Variants in BRIP1 observed in about 807,000 individuals in gnomAD.
BRIP1 encodes the protein BRCA1 interacting DNA helicase 1, also known as Fanconi anemia group J protein.
Under a neutral mutation model 119.7 loss-of-function variants are expected in BRIP1, and 88 were observed. The ratio of observed to expected loss-of-function variants is 0.74; its 90% CI spans 0.62 to 0.88. BRIP1 has a LOEUF of 0.88. Among genes scored for constraint, BRIP1 ranks in the 40% least tolerant of loss-of-function variants. The probability of loss-of-function intolerance (pLI) is 0.00; values close to 1 mark genes in which losing one functional copy is unlikely to be tolerated. For synonymous variants in BRIP1, 443 were observed against 496.5 expected (o/e 0.89, Z 1.43); for missense variants, 1,259 against 1,455.4 (o/e 0.87, Z 2.20).
rs2078893701 is a variant in BRIP1, at chr17:61,856,179, T to G, written c.379+879A>C. Among the ~76,000 whole-genome samples the G allele has an allele frequency of 6.6e-6, 1 of 152,166 alleles. No individual in the cohort carries two copies. The highest frequency in any genetic ancestry group is 1.5e-5 in the Non-Finnish European group (1 of 68,006). On this transcript the variant is annotated intron_variant, in intron 4 of 19. Coordinates refer to ENST00000259008, the MANE Select transcript of BRIP1 (RefSeq NM_032043.3). This position sits in a 1 kb window ranked among gnomAD's most constrained non-coding sequence, Gnocchi z 5.1. ...TATTGGTCACCTATTTAATAACTGT[T>G]CCACTTCTCTTTCCTCATTCCTACC...
chr17:61,713,553 G>A lies in BRIP1; in HGVS notation c.2492+2398C>T, dbSNP rs571029848. Among the ~76,000 whole-genome samples, 9 of 149,242 alleles carry A rather than the reference G, an allele frequency of 6.0e-5. 1 individual carries two copies. Among genetic ancestry groups the A allele is most frequent in the African/African-American group, 2.2e-4 (9 of 40,394 alleles). On this transcript the variant is annotated intron_variant, in intron 17 of 19. Transcript: ENST00000259008. This position sits in a 1 kb window ranked among gnomAD's most constrained non-coding sequence, Gnocchi z 4.9. Reference sequence around the variant, plus strand: ...TTTTTTTTTTTTGAGATGGAGTCTCGCTCTGTCGCCCAGGCTGGAGTGCAG... The same window carrying A: ...TTTTTTTTTTTTGAGATGGAGTCTCACTCTGTCGCCCAGGCTGGAGTGCAG...
Position 61,756,648 on chromosome 17 carries a change from G to A in BRIP1, c.2098-12057C>T, listed in dbSNP as rs1331054145. On this transcript the variant is annotated intron_variant, in intron 14 of 19. Transcript: ENST00000259008. The surrounding 1 kb of genome is among the most constrained non-coding windows in gnomAD (Gnocchi z 4.3). ...TTTAAAACTAGTATTTCGCTAGGGA[G>A]GGAATAAGTTAGAATGCAACCTAGT... 6.6e-6 allele frequency among the ~76,000 whole-genome samples: 1 copy of A among 152,112 alleles called. No individual in the cohort carries two copies. Among genetic ancestry groups the A allele is most frequent in the Non-Finnish European group, 1.5e-5 (1 of 68,014 alleles).
Position 61,770,399 on chromosome 17 carries a change from GAATT to G in BRIP1, c.2097+5998_2097+6001del, listed in dbSNP as rs1567803004. ...GGAGAGTAACTCAAGTCCACATTAA[GAATT>G]AATTAAAGAGCACTGGTCAAGATAA... On this transcript the variant is annotated intron_variant, in intron 14 of 19. Coordinates refer to ENST00000259008, the MANE Select transcript of BRIP1 (RefSeq NM_032043.3). The surrounding 1 kb of genome is among the most constrained non-coding windows in gnomAD (Gnocchi z 4.7). Among the ~76,000 whole-genome samples the G allele has an allele frequency of 6.6e-6, 1 of 152,034 alleles. No individual in the cohort carries two copies. The highest frequency in any genetic ancestry group is 1.5e-5 in the Non-Finnish European group (1 of 67,998).
chr17:61,852,112 G>T lies in BRIP1; in HGVS notation c.380-2856C>A, dbSNP rs1310692917. On this transcript the variant is annotated intron_variant, in intron 4 of 19. Transcript: ENST00000259008. The surrounding 1 kb of genome is among the most constrained non-coding windows in gnomAD (Gnocchi z 4.9). ...AAACTGACATGGGCCTATTAAGAGGGTAGGGAATGTCCACCCAAAATGATC... is the reference window on the plus strand; with the variant it reads ...AAACTGACATGGGCCTATTAAGAGGTTAGGGAATGTCCACCCAAAATGATC... 6.6e-6 allele frequency among the ~76,000 whole-genome samples: 1 copy of T among 152,170 alleles called. No individual in the cohort carries two copies. The highest frequency in any genetic ancestry group is 1.5e-5 in the Non-Finnish European group (1 of 68,034).
rs1028792175 is a variant in BRIP1 at position 61,684,541 on chromosome 17, G to T, written c.2906-401C>A. 6.6e-6 allele frequency among the ~76,000 whole-genome samples: 1 copy of T among 152,060 alleles called. No homozygotes were observed. The highest frequency in any genetic ancestry group is 6.5e-5 in the Admixed American group (1 of 15,270). ...CTAATTCTTTTATTTAATAAATAAG[G>T]AAAGTGACATAAGGCTAAGTTATTT... On this transcript the variant is annotated intron_variant, in intron 19 of 19. Coordinates refer to ENST00000259008, the MANE Select transcript of BRIP1 (RefSeq NM_032043.3). This position sits in a 1 kb window ranked among gnomAD's most constrained non-coding sequence, Gnocchi z 4.5.
At chr17:61,854,504 A>ACAGAGC (rs2078866441) in intron 4 of BRIP1, among the ~76,000 whole-genome samples, 1 of 151,996 alleles carries the variant, frequency 6.6e-6, no homozygotes, top group Non-Finnish European at 1.5e-5. Flanking sequence ...GTCAGGAGCT[A>ACAGAGC]CAGAGCAGCC....
In BRIP1 at chr17:61,681,247, G is replaced by A. The variant is rs2061266029; in HGVS notation, c.*2049C>T. 1 of 197,916 alleles carries A rather than the reference G, an allele frequency of 5.1e-6. No individual in the cohort carries two copies. The highest frequency in any genetic ancestry group is 1.0e-5 in the Non-Finnish European group (1 of 95,846). The allele number at this position is 197,916 out of a possible 1,614,324, so 12.3% of individuals were successfully genotyped here. Reference sequence around the variant, plus strand: ...ACCACGTCACCATCGTTCCCTAAATGTAAATGAGTAAGAGCCACTTTACTT... The same window carrying A: ...ACCACGTCACCATCGTTCCCTAAATATAAATGAGTAAGAGCCACTTTACTT... On this transcript the variant is annotated 3_prime_UTR_variant, in exon 20 of 20. Transcript: ENST00000259008. The surrounding 1 kb of genome is among the most constrained non-coding windows in gnomAD (Gnocchi z 5.1).
At position 61,805,085 on chromosome 17, in the gene BRIP1, C is replaced by A. The variant is rs1459487315; in HGVS notation, c.918+3382G>T. Among the ~76,000 whole-genome samples the A allele has an allele frequency of 6.6e-6, 1 of 151,246 alleles. No homozygotes were observed. The highest frequency in any genetic ancestry group is 1.5e-5 in the Non-Finnish European group (1 of 67,874). On this transcript the variant is annotated intron_variant, in intron 7 of 19. Coordinates refer to ENST00000259008, the MANE Select transcript of BRIP1 (RefSeq NM_032043.3). The surrounding 1 kb of genome is among the most constrained non-coding windows in gnomAD (Gnocchi z 5.6). ...ACACATATATATGCATATATATAATCTTTACATGTATTTTTATCTATGAAT... is the reference window on the plus strand; with the variant it reads ...ACACATATATATGCATATATATAATATTTACATGTATTTTTATCTATGAAT...
intron 6 of BRIP1, among the ~76,000 whole-genome samples, chr17:61,839,412 T>C (rs1266317764): frequency 5.3e-5 from 8 of 152,068 alleles, no homozygotes; most frequent in East Asian, 1.9e-4. Flanking sequence ...TTTTTTCCCA[T>C]AACCTTTCAG....
In BRIP1 at chr17:61,691,320, A is replaced by G. The variant is rs1315237153; in HGVS notation, c.2575+2110T>C. Among the ~76,000 whole-genome samples the G allele has an allele frequency of 5.3e-5, 8 of 152,186 alleles. No individual in the cohort carries two copies. The highest frequency in any genetic ancestry group is 1.2e-4 in the Non-Finnish European group (8 of 68,036). On this transcript the variant is annotated intron_variant, in intron 18 of 19. Transcript: ENST00000259008. This position sits in a 1 kb window ranked among gnomAD's most constrained non-coding sequence, Gnocchi z 5.0. Reference sequence around the variant, plus strand: ...ATAATAAAATACCTAGGAATAAACAACTAAGGAGGCAAAAAACCTGTACAC... The same window carrying G: ...ATAATAAAATACCTAGGAATAAACAGCTAAGGAGGCAAAAAACCTGTACAC...
Position 61,863,455 on chromosome 17 carries a change from G to C in BRIP1, c.-202C>G, listed in dbSNP as rs2145878850. ...TGCTACTTCCCCGGCCTTGTGTGCAGGACTGGGGCCGCCGTTACCTTTCCT... is the reference window on the plus strand; with the variant it reads ...TGCTACTTCCCCGGCCTTGTGTGCACGACTGGGGCCGCCGTTACCTTTCCT... On this transcript the variant is annotated 5_prime_UTR_variant, in exon 1 of 20. Transcript: ENST00000259008. 1 of 152,326 alleles carries C rather than the reference G, an allele frequency of 6.6e-6. No homozygotes were observed. Among genetic ancestry groups the C allele is most frequent in the African/African-American group, 2.4e-5 (1 of 41,492 alleles). 9.4% of individuals were successfully genotyped at this position (152,326 alleles called of 1,614,324 possible). A position where few individuals can be genotyped will look rare whatever the true frequency, so the allele number is the denominator to read the frequency against.
rs6504074 is a variant in BRIP1, at chr17:61,822,429, G to A, written c.628-13672C>T. ...TACTCAATTTGATAAGATTTTTGTC[G>A]TACTAATAGATCCAGTTATGTGCCC... On this transcript the variant is annotated intron_variant, in intron 6 of 19. Coordinates refer to ENST00000259008, the MANE Select transcript of BRIP1 (RefSeq NM_032043.3). The surrounding 1 kb of genome is among the most constrained non-coding windows in gnomAD (Gnocchi z 4.4). Among the ~76,000 whole-genome samples the A allele has an allele frequency of 4.6e-5, 7 of 151,888 alleles. No individual in the cohort carries two copies. Among genetic ancestry groups the A allele is most frequent in the Non-Finnish European group, 7.4e-5 (5 of 67,984 alleles).
rs764280136 is a variant in BRIP1 at position 61,726,122 on chromosome 17, G to A, written c.2380-10059C>T. Among the ~76,000 whole-genome samples the A allele has an allele frequency of 3.3e-5, 5 of 152,174 alleles. No homozygotes were observed. The highest frequency in any genetic ancestry group is 5.9e-5 in the Non-Finnish European group (4 of 68,030). The stretch of plus-strand genomic sequence containing the variant: ...GCACACGGCTTGGAATCAAGGCCTT[G>A]AGACTTAGGTTGTTTGACCTTGGAC... On this transcript the variant is annotated intron_variant, in intron 16 of 19. Coordinates refer to ENST00000259008, the MANE Select transcript of BRIP1 (RefSeq NM_032043.3). The surrounding 1 kb of genome is among the most constrained non-coding windows in gnomAD (Gnocchi z 6.2).
rs1383455715 is a variant in BRIP1, at chr17:61,684,705, A to G, written c.2906-565T>C. 1.3e-5 allele frequency: 2 copies of G among 152,282 alleles called. No homozygotes were observed. Among genetic ancestry groups the G allele is most frequent in the Non-Finnish European group, 2.9e-5 (2 of 68,140 alleles). 9.4% of individuals were successfully genotyped at this position (152,282 alleles called of 1,614,324 possible). A position where few individuals can be genotyped will look rare whatever the true frequency, so the allele number is the denominator to read the frequency against. On this transcript the variant is annotated intron_variant, in intron 19 of 19. Coordinates refer to ENST00000259008, the MANE Select transcript of BRIP1 (RefSeq NM_032043.3). This position sits in a 1 kb window ranked among gnomAD's most constrained non-coding sequence, Gnocchi z 4.5. Reference sequence around the variant, plus strand: ...TTGTAGTATTTATATACAAAATTGTATTACTATTTTGTAGTACTTATATAC... The same window carrying G: ...TTGTAGTATTTATATACAAAATTGTGTTACTATTTTGTAGTACTTATATAC...
chr17:61,836,016 G>A (rs1393564480), intron 6 of BRIP1, among the ~76,000 whole-genome samples: 1 of 152,016 alleles, frequency 6.6e-6, no homozygotes, highest in Non-Finnish European at 1.5e-5. Flanking sequence ...AAAGCAGAAA[G>A]GGAGATGGGG....
chr17:61,780,335 T>G lies in BRIP1; in HGVS notation c.1861A>C (p.Lys621Gln). The G allele has an allele frequency of 6.2e-7, 1 of 1,610,464 alleles. No homozygotes were observed. The highest frequency in any genetic ancestry group is 2.2e-5 in the East Asian group (1 of 44,848). Residue 621 changes from lysine to glutamine, a missense_variant, in exon 13 of 20, where the codon AAA (lysine) becomes CAA (glutamine). By Grantham distance (53) the Lys-to-Gln change is moderately conservative. Transcript: ENST00000259008. The surrounding 1 kb of genome is among the most constrained non-coding windows in gnomAD (Gnocchi z 5.4). Reference protein sequence around the residue: ...VLTSGTLSPMKSFSSELGVTF... With the variant: ...VLTSGTLSPMQSFSSELGVTF... ...ACACCAAGTTCTGACGAAAAGGATT[T>G]CATTGGTGATAATGTACCAGATGTC... is the stretch of plus-strand genomic sequence containing the variant.
chr17:61,841,331 C>A lies in BRIP1; in HGVS notation c.627+5770G>T, dbSNP rs552231140. Among the ~76,000 whole-genome samples, 1 of 151,600 alleles carries A rather than the reference C, an allele frequency of 6.6e-6. No homozygotes were observed. Among genetic ancestry groups the A allele is most frequent in the South Asian group, 2.1e-4 (1 of 4,794 alleles). On this transcript the variant is annotated intron_variant, in intron 6 of 19. Coordinates refer to ENST00000259008, the MANE Select transcript of BRIP1 (RefSeq NM_032043.3). The surrounding 1 kb of genome is among the most constrained non-coding windows in gnomAD (Gnocchi z 4.1). Reference sequence around the variant, plus strand: ...TATTCATCTGAGAAGGGACTACTATCCAGAATATACAAGGAACTCAACAGC... The same window carrying A: ...TATTCATCTGAGAAGGGACTACTATACAGAATATACAAGGAACTCAACAGC...
Position 61,770,808 on chromosome 17 carries a change from T to C in BRIP1, c.2097+5593A>G, listed in dbSNP as rs1306225084. Among the ~76,000 whole-genome samples the C allele has an allele frequency of 6.6e-6, 1 of 152,082 alleles. No homozygotes were observed. The highest frequency in any genetic ancestry group is 2.1e-4 in the South Asian group (1 of 4,814). ...AAGTGACACATTAGAAAAATTTAAA[T>C]GGCACACTAGAAAATATCTATCTAT... On this transcript the variant is annotated intron_variant, in intron 14 of 19. Transcript: ENST00000259008. The surrounding 1 kb of genome is among the most constrained non-coding windows in gnomAD (Gnocchi z 4.7).
rs1423349658 is a variant in BRIP1 at position 61,809,609 on chromosome 17, C to T, written c.628-852G>A. Among the ~76,000 whole-genome samples, 2 of 152,024 alleles carry T rather than the reference C, an allele frequency of 1.3e-5. No individual in the cohort carries two copies. The highest frequency in any genetic ancestry group is 2.9e-5 in the Non-Finnish European group (2 of 67,992). On this transcript the variant is annotated intron_variant, in intron 6 of 19. Coordinates refer to ENST00000259008, the MANE Select transcript of BRIP1 (RefSeq NM_032043.3). This position sits in a 1 kb window ranked among gnomAD's most constrained non-coding sequence, Gnocchi z 5.2. ...AAAAGTTTAATGCTATATATTAGAA[C>T]TCACAGGTTCTTAATAACTACTTCC... is the stretch of plus-strand genomic sequence containing the variant.
Sources: allele counts gnomAD v4.1 joint callset (sites outside exome capture counted in the v4.1 genomes callset), GRCh38; gene constraint gnomAD v4.1.1; non-coding constraint Gnocchi (gnomAD v3.1); transcripts MANE v1.5; gene names NCBI Gene and HGNC (gene_info 2026-07-23, HGNC 2026-07-21).